Variants in AFAP1 observed in about 807,000 individuals in gnomAD.
The protein encoded by AFAP1 is actin filament associated protein 1, also known as actin filament-associated protein 1.
AFAP1 carries 75 observed loss-of-function variants against 93.9 expected under a neutral mutation model. The ratio of observed to expected loss-of-function variants is 0.80; its 90% CI spans 0.66 to 0.97. The LOEUF is 0.97. AFAP1 is among the 50% of genes least tolerant of loss of function. The pLI is 0.00. For missense variants in AFAP1, 1,201 were observed against 1,050.8 expected (o/e 1.14, Z -1.98); for synonymous variants, 517 against 430.7 (o/e 1.20, Z -2.48).
chr4:7,902,073 G>C (rs987937392), intron 1 of AFAP1, among the ~76,000 whole-genome samples: 1 of 152,174 alleles, frequency 6.6e-6, no homozygotes, highest in Non-Finnish European at 1.5e-5. Context: ...TTCGAACTGC[G>C]GGTGGAGCAA....
intron 6 of AFAP1, among the ~76,000 whole-genome samples, chr4:7,828,717 A>G (rs1721643925): frequency 6.6e-6 from 1 of 152,220 alleles, no homozygotes; most frequent in Admixed American, 6.5e-5. Flanking sequence ...TCTAGAAAGC[A>G]GATACCATTA....
intron 9 of AFAP1, 118 bp from the exon 10 acceptor site, chr4:7,800,771 C>T (rs1718950855): frequency 1.0e-6 from 1 of 952,732 alleles, no homozygotes; most frequent in South Asian, 1.5e-5. Context: ...AAATCCTTCA[C>T]ACGATCGATC....
chr4:7,858,017 AGTTT>A (rs1188441470), intron 3 of AFAP1, among the ~76,000 whole-genome samples: 1 of 152,248 alleles, frequency 6.6e-6, no homozygotes, highest in African/African-American at 2.4e-5. Flanking sequence ...GTTCAATAAA[AGTTT>A]GTTTAGTAAA....
intron 3 of AFAP1, among the ~76,000 whole-genome samples, chr4:7,858,792 G>T (rs565568851): frequency 9.2e-5 from 14 of 152,272 alleles, no homozygotes; most frequent in Non-Finnish European, 1.6e-4. Context: ...CATCGCATCA[G>T]AACAACCTTC....
intron 17 of AFAP1, among the ~76,000 whole-genome samples, chr4:7,766,779 T>C (rs1405754103): frequency 2.6e-5 from 4 of 151,850 alleles, no homozygotes; most frequent in Non-Finnish European, 4.4e-5. Flanking sequence ...CCTGCCCAGA[T>C]GAAGGGAAGG....
chr4:7,848,217 GGGAGGGAGGGACGGAT>G (rs1714021602), intron 4 of AFAP1, among the ~76,000 whole-genome samples: 3 of 64,298 alleles, frequency 4.7e-5, no homozygotes, highest in South Asian at 1.3e-3. Context: ...GAGGGAGGGA[GGGAGGGAGGGACGGAT>G]GGAGGGAGGA....
intron 1 of AFAP1, among the ~76,000 whole-genome samples, chr4:7,901,806 A>G (rs1182679128): frequency 1.3e-5 from 2 of 152,146 alleles, no homozygotes; most frequent in Non-Finnish European, 2.9e-5. Context: ...CTCAGACACA[A>G]TTTTTTAAAA....
chr4:7,883,825 A>G (rs888693257), intron 1 of AFAP1, among the ~76,000 whole-genome samples: 3 of 152,232 alleles, frequency 2.0e-5, no homozygotes, highest in African/African-American at 7.2e-5. Context: ...ATGTGAACAA[A>G]TGGAAAGATG....
At chr4:7,937,649 G>T (rs552885872) in intron 1 of AFAP1, among the ~76,000 whole-genome samples, 2 of 152,222 alleles carry the variant, frequency 1.3e-5, no homozygotes, top group South Asian at 4.2e-4. Flanking sequence ...ACCATGCCCG[G>T]CTAATTTTTG....
chr4:7,908,736 T>A (rs971281090), intron 1 of AFAP1, among the ~76,000 whole-genome samples: 2 of 152,220 alleles, frequency 1.3e-5, no homozygotes, highest in African/African-American at 4.8e-5. Flanking sequence ...ATGAGAGAGC[T>A]AAGAAAAGGA....
At chr4:7,779,120 C>T in intron 13 of AFAP1, 1 of 462,204 alleles carries the variant, frequency 2.2e-6, no homozygotes, top group Non-Finnish European at 3.8e-6. Context: ...TGGAACACTG[C>T]AGAAGTGGCC....
At chr4:7,865,626 A>G (rs1716308698) in intron 3 of AFAP1, among the ~76,000 whole-genome samples, 1 of 152,226 alleles carries the variant, frequency 6.6e-6, no homozygotes, top group Non-Finnish European at 1.5e-5. Context: ...TGAATAAGTA[A>G]TAAACTATAC....
rs937985884 is a variant in AFAP1, at chr4:7,939,763, G to C, written c.-110C>G. The C allele has an allele frequency of 3.0e-5, 12 of 399,578 alleles. No homozygotes were observed. Among genetic ancestry groups the C allele is most frequent in the Admixed American group, 1.8e-4 (6 of 33,290 alleles). 24.8% of individuals were successfully genotyped at this position (399,578 alleles called of 1,614,324 possible). On this transcript the variant is annotated 5_prime_UTR_variant, in exon 1 of 18. Transcript: ENST00000420658. The surrounding 1 kb of genome is among the most constrained non-coding windows in gnomAD (Gnocchi z 5.6). ...CAGCCGCCTTAACAATGGAGCCCCGGGGCGGGGCCGCCGCCGCCGCCTCAG... is the reference window on the plus strand; with the variant it reads ...CAGCCGCCTTAACAATGGAGCCCCGCGGCGGGGCCGCCGCCGCCGCCTCAG...
chr4:7,921,509 G>C (rs1196470901), intron 1 of AFAP1, among the ~76,000 whole-genome samples: 1 of 151,652 alleles, frequency 6.6e-6, no homozygotes, highest in Non-Finnish European at 1.5e-5. Context: ...CTATCTATTA[G>C]ACTGACAAAC....
At chr4:7,821,444 G>A (rs6446626) in intron 6 of AFAP1, among the ~76,000 whole-genome samples, 80,683 of 151,954 alleles carry the variant, frequency 0.53, 22,220 homozygotes, top group Non-Finnish European at 0.59. Context: ...TTCCGTGCAC[G>A]AGGGCTTTCC....
At chr4:7,805,465 C>CT (rs1719423936) in intron 9 of AFAP1, among the ~76,000 whole-genome samples, 1 of 152,042 alleles carries the variant, frequency 6.6e-6, no homozygotes, top group Admixed American at 6.6e-5. Flanking sequence ...GTCTGGTATG[C>CT]TTAGGTGATG....
At chr4:7,893,328 C>A (rs1205029011) in intron 1 of AFAP1, among the ~76,000 whole-genome samples, 2 of 152,190 alleles carry the variant, frequency 1.3e-5, no homozygotes, top group African/African-American at 4.8e-5. Flanking sequence ...CGCCTGTAAT[C>A]CCAACACTTT....
intron 1 of AFAP1, among the ~76,000 whole-genome samples, chr4:7,913,868 T>G (rs552913185): frequency 6.2e-4 from 94 of 152,314 alleles, no homozygotes; most frequent in African/African-American, 2.0e-3. Flanking sequence ...CATTCCAATC[T>G]AAGTTCAGCT....
chr4:7,798,885 A>T (rs1412280185), intron 10 of AFAP1: 1 of 988,534 alleles, frequency 1.0e-6, no homozygotes, highest in African/African-American at 1.8e-5. Context: ...CTCCCTCTTC[A>T]TTCCTGTATC....
Sources: gnomAD v4.1 joint callset for allele counts (sites outside exome capture counted in the v4.1 genomes callset) on GRCh38, gnomAD v4.1.1 for gene constraint, Gnocchi (gnomAD v3.1) non-coding constraint, MANE v1.5 for transcripts, NCBI Gene and HGNC (gene_info 2026-07-23, HGNC 2026-07-21) for gene names.